The following UBQLNL variants were observed in gnomAD, a reference collection of about 807,000 sequenced individuals.
UBQLNL encodes the protein ubiquilin-like protein.
For synonymous variants in UBQLNL, 223 were observed against 209.7 expected (o/e 1.06, Z -0.55); for missense variants, 589 against 567.1 (o/e 1.04, Z -0.39).
chr11:5,516,369 T>G lies in UBQLNL; in HGVS notation c.73A>C (p.Asn25His), dbSNP rs1217028554. 1.2e-6 allele frequency: 2 copies of G among 1,613,994 alleles called. No individual in the cohort carries two copies. The highest frequency in any genetic ancestry group is 2.7e-5 in the African/African-American group (2 of 74,902). Residue 25 changes from asparagine to histidine, a missense_variant, in exon 1 of 1, where the codon AAT becomes CAT. By Grantham distance (68) the Asn-to-His change is moderately conservative. Transcript: ENST00000380184. ...ACTCGAGTGGCACTTGAAGAGATAT[T>G]TTTGTCTGCCAGCAGACCTGATGGA... ...GCPSGLLADK[N>H]ISSSATRVIV...
rs1232279958 is a variant in UBQLNL at position 5,515,904 on chromosome 11, T to C, written c.538A>G (p.Ser180Gly). The change falls in exon 1 of 1, where the codon AGC becomes GGC. Residue 180 changes from serine to glycine, a missense_variant. Physicochemically the swap from Ser to Gly is moderately conservative, Grantham distance 56. Coordinates refer to ENST00000380184, the MANE Select transcript of UBQLNL (RefSeq NM_145053.5). ...ECKAQMLENP[S>G]IQRLLSNMEF... ...ATGTTGGACAGAAGCCGCTGGATGC[T>C]AGGATTCTCCAGCATCTGTGCTTTG... 2.5e-6 allele frequency: 4 copies of C among 1,613,990 alleles called. No homozygotes were observed. In the African/African-American group the frequency reaches 4.0e-5, roughly 16 times the overall value.
At position 5,514,677 on chromosome 11, in the gene UBQLNL, T is replaced by G. The variant is rs1226725322; in HGVS notation, c.*337A>C. On this transcript the variant is annotated 3_prime_UTR_variant, in exon 1 of 1. Transcript: ENST00000380184. ...AGCAATGAGTGCCTGTAGATTGGCA[T>G]GGTGGTTCCCAAATCCCATGGCCTG... The G allele has an allele frequency of 7.7e-6, 2 of 260,666 alleles. No individual in the cohort carries two copies. The highest frequency in any genetic ancestry group is 4.4e-5 in the African/African-American group (2 of 45,364). The allele number at this position is 260,666 out of a possible 1,614,324, so 16.1% of individuals were successfully genotyped here.
rs1251001246 is a variant in UBQLNL at position 5,516,557 on chromosome 11, T to C, written c.-116A>G. 4 of 882,332 alleles carry C rather than the reference T, an allele frequency of 4.5e-6. No individual in the cohort carries two copies. Among genetic ancestry groups the C allele is most frequent in the East Asian group, 5.2e-5 (2 of 38,710 alleles). The allele number at this position is 882,332 out of a possible 1,614,324, so 54.7% of individuals were successfully genotyped here. The stretch of plus-strand genomic sequence containing the variant: ...GGTATTGTGCTCTCAGGCCACAGGA[T>C]AGTTTCCTTGTTGCCCTAAAAGGGA... On this transcript the variant is annotated 5_prime_UTR_variant, in exon 1 of 1. Coordinates refer to ENST00000380184, the MANE Select transcript of UBQLNL (RefSeq NM_145053.5).
In UBQLNL at chr11:5,516,139, CT is replaced by C. The variant is rs905928456; in HGVS notation, c.272del (p.Lys91SerfsTer9). On this transcript the variant is annotated frameshift_variant, in exon 2 of 2. Transcript: ENST00000673910. LOFTEE classifies it low-confidence loss of function (END_TRUNC). Reference sequence around the variant, plus strand: ...CTAGAGATCTGGAGCCCTGCTTGGACTTGATGACCAAGTAGATGGTGTGGCC... The same window carrying C: ...CTAGAGATCTGGAGCCCTGCTTGGACTGATGACCAAGTAGATGGTGTGGCC... The C allele has an allele frequency of 6.2e-7, 1 of 1,614,168 alleles. No individual in the cohort carries two copies. Among genetic ancestry groups the C allele is most frequent in the Non-Finnish European group, 8.5e-7 (1 of 1,180,024 alleles).
Position 5,516,287 on chromosome 11 carries a change from A to T in UBQLNL, c.155T>A (p.Val52Glu). Residue 52 changes from valine to glutamate, a missense_variant, in exon 1 of 1, where the codon GTA becomes GAA. Transcript: ENST00000380184. ...KDFMVADDIS[V>E]RQFKEMLLAH... ...CAATAGCATCTCCTTGAACTGCCTT[A>T]CCGAGATGTCATCAGCTACCATAAA... 6.2e-7 allele frequency: 1 copy of T among 1,614,160 alleles called. No homozygotes were observed.
chr11:5,516,106 G>A lies in UBQLNL; in HGVS notation c.336C>T (p.Ser112=), dbSNP rs1358496320. The part of the protein sequence containing the change: ...SKQGSRSLAH[S]FRDLPTNDPC... ...GATCATTCGTTGGCAGGTCCCGGAAGGAATGGGCTAGAGATCTGGAGCCCT... is the reference window on the plus strand; with the variant it reads ...GATCATTCGTTGGCAGGTCCCGGAAAGAATGGGCTAGAGATCTGGAGCCCT... The change falls in exon 1 of 1, where the codon TCC becomes TCT. Residue 112 remains serine (S), a synonymous_variant. Transcript: ENST00000380184. 5 of 1,614,108 alleles carry A rather than the reference G, an allele frequency of 3.1e-6. No homozygotes were observed. Among genetic ancestry groups the A allele is most frequent in the Non-Finnish European group, 4.2e-6 (5 of 1,180,002 alleles).
At position 5,516,353 on chromosome 11, in the gene UBQLNL, G is replaced by C. The variant is rs1846536731; in HGVS notation, c.89C>G (p.Ala30Gly). Residue 30 changes from alanine to glycine, a missense_variant, in exon 1 of 1, where the codon GCC becomes GGC. Ala to Gly is a moderately conservative substitution (Grantham distance 60). Coordinates refer to ENST00000380184, the MANE Select transcript of UBQLNL (RefSeq NM_145053.5). ...LLADKNISSS[A>G]TRVIVKTAGN... is the part of the protein sequence containing the mutation. ...TGCAGTCTTCACTATCACTCGAGTG[G>C]CACTTGAAGAGATATTTTTGTCTGC... 1 of 1,613,946 alleles carries C rather than the reference G, an allele frequency of 6.2e-7. No individual in the cohort carries two copies. The highest frequency in any genetic ancestry group is 1.1e-5 in the South Asian group (1 of 91,068).
Position 5,516,423 on chromosome 11 carries a change from G to C in UBQLNL, c.19C>G (p.Arg7Gly). 1 of 1,613,650 alleles carries C rather than the reference G, an allele frequency of 6.2e-7. No individual in the cohort carries two copies. Among genetic ancestry groups the C allele is most frequent in the Non-Finnish European group, 8.5e-7 (1 of 1,179,630 alleles). ...CCACTCTGGGACATCCTGGATGTTC[G>C]AGAGATGGCATGCCACATGGGCTTT... MWHAIS[R>G]TSRMSQSGCP... The change falls in exon 1 of 1, where the codon CGA (arginine) becomes GGA (glycine). Residue 7 changes from arginine (R) to glycine (G), a missense_variant. Physicochemically the swap from Arg to Gly is moderately radical, Grantham distance 125. Coordinates refer to ENST00000380184, the MANE Select transcript of UBQLNL (RefSeq NM_145053.5).
chr11:5,516,598 G>A lies in UBQLNL; in HGVS notation c.-157C>T, dbSNP rs1265474523. On this transcript the variant is annotated 5_prime_UTR_variant, in exon 1 of 1. Transcript: ENST00000380184. ...CTAAAAGGGATGAGTGACCAGACTGGGGCCAGATATTTTGTGATGTTGTGC... is the reference window on the plus strand; with the variant it reads ...CTAAAAGGGATGAGTGACCAGACTGAGGCCAGATATTTTGTGATGTTGTGC... 1.1e-5 allele frequency: 7 copies of A among 662,586 alleles called. No individual in the cohort carries two copies. The highest frequency in any genetic ancestry group is 1.6e-5 in the Non-Finnish European group (6 of 381,606). 41.0% of individuals were successfully genotyped at this position (662,586 alleles called of 1,614,324 possible). A position where few individuals can be genotyped will look rare whatever the true frequency, so the allele number is the denominator to read the frequency against.
rs143441784 is a variant in UBQLNL at position 5,515,360 on chromosome 11, G to C, written c.1082C>G (p.Ala361Gly). Residue 361 changes from alanine (A) to glycine (G), a missense_variant, in exon 1 of 1, where the codon GCT (alanine) becomes GGT (glycine). By Grantham distance (60) the Ala-to-Gly change is moderately conservative. Transcript: ENST00000380184. ...KVNHTSKANT[A>G]MISTKGQSHI... Reference sequence around the variant, plus strand: ...GCTCTGGCCCTTGGTGGAAATCATAGCAGTGTTGGCTTTGGAAGTGTGGTT... The same window carrying C: ...GCTCTGGCCCTTGGTGGAAATCATACCAGTGTTGGCTTTGGAAGTGTGGTT... The C allele has an allele frequency of 1.9e-6, 3 of 1,614,218 alleles. No homozygotes were observed. The highest frequency in any genetic ancestry group is 2.5e-6 in the Non-Finnish European group (3 of 1,180,032).
Position 5,515,361 on chromosome 11 carries a change from C to A in UBQLNL, c.1081G>T (p.Ala361Ser). The change falls in exon 1 of 1, where the codon GCT becomes TCT. Residue 361 changes from alanine to serine, a missense_variant. Physicochemically the swap from Ala to Ser is moderately conservative, Grantham distance 99. Coordinates refer to ENST00000380184, the MANE Select transcript of UBQLNL (RefSeq NM_145053.5). ...CTCTGGCCCTTGGTGGAAATCATAG[C>A]AGTGTTGGCTTTGGAAGTGTGGTTG... Reference protein sequence around the residue: ...KVNHTSKANTAMISTKGQSHI... With the variant: ...KVNHTSKANTSMISTKGQSHI... 8 of 1,614,176 alleles carry A rather than the reference C, an allele frequency of 5.0e-6. No homozygotes were observed. Among genetic ancestry groups the A allele is most frequent in the Middle Eastern group, 1.6e-4 (1 of 6,062 alleles).
chr11:5,516,236 T>C lies in UBQLNL; in HGVS notation c.206A>G (p.Gln69Arg), dbSNP rs151067297. Residue 69 changes from glutamine (Q) to arginine (R), a missense_variant, in exon 1 of 1, where the codon CAA becomes CGA. By Grantham distance (43) the Gln-to-Arg change is conservative. Coordinates refer to ENST00000380184, the MANE Select transcript of UBQLNL (RefSeq NM_145053.5). ...GCAACCCATGAAGACCAGCACTAGT[T>C]GGTCCATCTGGCATTGGAAGTGAGC... Reference protein sequence around the residue: ...LLAHFQCQMDQLVLVFMGCLL... With the variant: ...LLAHFQCQMDRLVLVFMGCLL... 1.2e-5 allele frequency: 19 copies of C among 1,614,070 alleles called. No homozygotes were observed. In the African/African-American group the frequency reaches 2.0e-4, roughly 17 times the overall value.
chr11:5,514,707 G>C lies in UBQLNL; in HGVS notation c.*307C>G. 1 of 342,656 alleles carries C rather than the reference G, an allele frequency of 2.9e-6. No homozygotes were observed. Among genetic ancestry groups the C allele is most frequent in the Non-Finnish European group, 5.3e-6 (1 of 187,894 alleles). 21.2% of individuals were successfully genotyped at this position (342,656 alleles called of 1,614,324 possible). ...GTTCCCAAATCCCATGGCCTGGAGAGAATCCATCTGTTTGCTAAAACAAAT... is the reference window on the plus strand; with the variant it reads ...GTTCCCAAATCCCATGGCCTGGAGACAATCCATCTGTTTGCTAAAACAAAT... On this transcript the variant is annotated 3_prime_UTR_variant, in exon 1 of 1. Transcript: ENST00000380184.
Position 5,516,266 on chromosome 11 carries a change from A to G in UBQLNL, c.176T>C (p.Leu59Pro), listed in dbSNP as rs763664121. 3.7e-6 allele frequency: 6 copies of G among 1,614,190 alleles called. No individual in the cohort carries two copies. The highest frequency in any genetic ancestry group is 5.1e-6 in the Non-Finnish European group (6 of 1,180,020). Residue 59 changes from leucine to proline, a missense_variant, in exon 1 of 1, where the codon CTA becomes CCA. By Grantham distance (98) the Leu-to-Pro change is moderately conservative (BLOSUM62 -3). Transcript: ENST00000380184. ...DISVRQFKEM[L>P]LAHFQCQMDQ... Reference sequence around the variant, plus strand: ...CATCTGGCATTGGAAGTGAGCCAATAGCATCTCCTTGAACTGCCTTACCGA... The same window carrying G: ...CATCTGGCATTGGAAGTGAGCCAATGGCATCTCCTTGAACTGCCTTACCGA...
Position 5,515,363 on chromosome 11 carries a change from G to A in UBQLNL, c.1079C>T (p.Thr360Ile), listed in dbSNP as rs183094057. ...CTGGCCCTTGGTGGAAATCATAGCA[G>A]TGTTGGCTTTGGAAGTGTGGTTGAC... Reference protein sequence around the residue: ...NKVNHTSKANTAMISTKGQSH... With the variant: ...NKVNHTSKANIAMISTKGQSH... Residue 360 changes from threonine to isoleucine, a missense_variant, in exon 1 of 1, where the codon ACT (threonine) becomes ATT (isoleucine). Transcript: ENST00000380184. The A allele has an allele frequency of 7.3e-5, 118 of 1,614,228 alleles. 1 individual carries two copies. The highest frequency in any genetic ancestry group is 6.5e-4 in the Admixed American group (39 of 60,028).
rs745629578 is a variant in UBQLNL, at chr11:5,515,344, C to G, written c.1098G>C (p.Lys366Asn). 1.2e-6 allele frequency: 2 copies of G among 1,614,180 alleles called. No homozygotes were observed. Among genetic ancestry groups the G allele is most frequent in the South Asian group, 2.2e-5 (2 of 91,070 alleles). ...GAGTGGCACAGATATGGCTCTGGCC[C>G]TTGGTGGAAATCATAGCAGTGTTGG... ...SKANTAMISTKGQSHICATRQ... is the reference protein window; with the variant it reads ...SKANTAMISTNGQSHICATRQ... The change falls in exon 1 of 1, where the codon AAG becomes AAC. Residue 366 changes from lysine (K) to asparagine (N), a missense_variant. Lys to Asn is a moderately conservative substitution (Grantham distance 94, BLOSUM62 0). Coordinates refer to ENST00000380184, the MANE Select transcript of UBQLNL (RefSeq NM_145053.5).
chr11:5,515,180 C>T lies in UBQLNL; in HGVS notation c.1262G>A (p.Ser421Asn). ...KGDLQLSDEQ[S>N]SSQITGGMMQ... ...CATGCCTCCTGTGATCTGGGAGCTG[C>T]TCTGCTCATCTGACAGCTGGAGATC... The change falls in exon 1 of 1, where the codon AGC (serine) becomes AAC (asparagine). Residue 421 changes from serine (S) to asparagine (N), a missense_variant. Ser to Asn is a conservative substitution (Grantham distance 46, BLOSUM62 1). Coordinates refer to ENST00000380184, the MANE Select transcript of UBQLNL (RefSeq NM_145053.5). The T allele has an allele frequency of 6.2e-7, 1 of 1,614,210 alleles. No individual in the cohort carries two copies. The highest frequency in any genetic ancestry group is 1.7e-5 in the Admixed American group (1 of 60,034).
rs779395438 is a variant in UBQLNL, at chr11:5,514,975, G to A, written c.*39C>T. The A allele has an allele frequency of 9.5e-6, 15 of 1,576,066 alleles. No individual in the cohort carries two copies. The highest frequency in any genetic ancestry group is 2.3e-5 in the South Asian group (2 of 85,814). On this transcript the variant is annotated 3_prime_UTR_variant, in exon 1 of 1. Transcript: ENST00000380184. ...TCTGTGGCCAGCAGCTGGAGGGCCT[G>A]CTCAATCTGCAATATTGCTTGGAAT...
Position 5,516,651 on chromosome 11 carries a change from C to G in UBQLNL, c.-210G>C, listed in dbSNP as rs1846540617. 1.7e-6 allele frequency: 1 copy of G among 573,436 alleles called. No homozygotes were observed. The highest frequency in any genetic ancestry group is 3.2e-6 in the Non-Finnish European group (1 of 314,280). The allele number at this position is 573,436 out of a possible 1,614,324, so 35.5% of individuals were successfully genotyped here. A position where few individuals can be genotyped will look rare whatever the true frequency, so the allele number is the denominator to read the frequency against. On this transcript the variant is annotated 5_prime_UTR_variant, in exon 1 of 1. Transcript: ENST00000380184. Reference sequence around the variant, plus strand: ...TCACCCCAGTTCTCCAGATGTGGCCCAGCTGAGGCCTGGCATAGCTACTGA... The same window carrying G: ...TCACCCCAGTTCTCCAGATGTGGCCGAGCTGAGGCCTGGCATAGCTACTGA...
Sources: allele counts gnomAD v4.1 joint callset, GRCh38; gene constraint gnomAD v4.1.1; transcripts MANE v1.5; gene names NCBI Gene and HGNC (gene_info 2026-07-23, HGNC 2026-07-21).